ARHGAP25: variants seen among roughly 807,000 people sequenced by gnomAD.
ARHGAP25 encodes the protein Rho GTPase activating protein 25, also known as rho GTPase-activating protein 25.
Under a neutral mutation model 71.0 loss-of-function variants are expected in ARHGAP25, and 34 were observed. The observed-to-expected ratio is 0.48, with a 90% CI of 0.36 to 0.64. ARHGAP25 has a LOEUF of 0.64. ARHGAP25 is among the 30% of genes least tolerant of loss of function. ARHGAP25 has a pLI of 0.00. For synonymous variants in ARHGAP25, 282 were observed against 296.5 expected, an observed-to-expected ratio of 0.95 and a Z score of 0.50; for missense variants, 706 against 805.1, an observed-to-expected ratio of 0.88 and a Z score of 1.49.
upstream of ARHGAP25, among the ~76,000 whole-genome samples, chr2:68,729,928 G>T (rs1326533895): frequency 6.6e-6 from 1 of 152,302 alleles, no homozygotes; most frequent in East Asian, 1.9e-4. Flanking sequence ...GATTTATCCA[G>T]ATATTTAGCT....
intron 2 of ARHGAP25, among the ~76,000 whole-genome samples, chr2:68,721,859 G>A (rs1025768392): frequency 6.6e-6 from 1 of 152,176 alleles, no homozygotes; most frequent in Non-Finnish European, 1.5e-5. Context: ...TCTAGGTGTC[G>A]AGATTATAAC....
intron 10 of ARHGAP25, among the ~76,000 whole-genome samples, chr2:68,825,128 C>T (rs1682019167): frequency 6.6e-6 from 1 of 152,204 alleles, no homozygotes; most frequent in Admixed American, 6.5e-5. Context: ...TTTCACCTGG[C>T]ATGGGATTCA....
chr2:68,785,290 T>A (rs1221778012), intron 3 of ARHGAP25, among the ~76,000 whole-genome samples: 1 of 152,016 alleles, frequency 6.6e-6, no homozygotes, highest in Non-Finnish European at 1.5e-5. Flanking sequence ...AAAACAAAAG[T>A]AAGTAGTGGG....
At position 68,783,929 on chromosome 2, in the gene ARHGAP25, C is replaced by A. The variant is rs552577289; in HGVS notation, c.349+1609C>A. On this transcript the variant is annotated intron_variant, in intron 3 of 10. Coordinates refer to ENST00000409202, the MANE Select transcript of ARHGAP25 (RefSeq NM_001007231.3). ...TCCCAGTGCAATTCATGGGACACAA[C>A]CATCCATGGTAACATGTGTGTCCCA... is the stretch of plus-strand genomic sequence containing the variant. 1.4e-3 allele frequency among the ~76,000 whole-genome samples: 209 copies of A among 152,328 alleles called. 1 individual carries two copies. The highest frequency in any genetic ancestry group is 4.8e-3 in the African/African-American group (199 of 41,558).
intron 1 of ARHGAP25, among the ~76,000 whole-genome samples, chr2:68,738,606 TA>T (rs1434552895): frequency 6.6e-6 from 1 of 151,984 alleles, no homozygotes; most frequent in Non-Finnish European, 1.5e-5. Context: ...CCCTGATAGA[TA>T]AAGGTCCCCG....
At chr2:68,806,379 T>C (rs111812017) in intron 4 of ARHGAP25, among the ~76,000 whole-genome samples, 116 of 152,336 alleles carry the variant, frequency 7.6e-4, no homozygotes, top group African/African-American at 2.5e-3. Context: ...CACAGTGGTT[T>C]AGTGAGATGA....
chr2:68,779,038 A>G (rs1187929663), intron 2 of ARHGAP25, among the ~76,000 whole-genome samples: 1 of 152,172 alleles, frequency 6.6e-6, no homozygotes, highest in East Asian at 1.9e-4. Flanking sequence ...ATCGCCCTCA[A>G]GTTTCTGTTA....
At chr2:68,804,764 A>G (rs1680243370) in intron 4 of ARHGAP25, among the ~76,000 whole-genome samples, 1 of 152,266 alleles carries the variant, frequency 6.6e-6, no homozygotes, top group African/African-American at 2.4e-5. Context: ...TGTTTAAACT[A>G]AAGAAATGCC....
chr2:68,806,203 G>T (rs1355185537), intron 4 of ARHGAP25, among the ~76,000 whole-genome samples: 1 of 152,210 alleles, frequency 6.6e-6, no homozygotes, highest in Non-Finnish European at 1.5e-5. Flanking sequence ...TAAGGAAATA[G>T]TTCAAAAGAA....
intron 1 of ARHGAP25, among the ~76,000 whole-genome samples, chr2:68,771,293 T>G (rs1331083373): frequency 6.6e-6 from 1 of 152,164 alleles, no homozygotes; most frequent in Non-Finnish European, 1.5e-5. Context: ...CTGGTCTGCC[T>G]GCAGCCCCCT....
At chr2:68,785,403 T>C (rs2104397055) in intron 3 of ARHGAP25, among the ~76,000 whole-genome samples, 1 of 152,250 alleles carries the variant, frequency 6.6e-6, no homozygotes, top group South Asian at 2.1e-4. Flanking sequence ...TCTGATCACA[T>C]TTTGAAGGTA....
chr2:68,736,992 G>A (rs1312120628), intron 1 of ARHGAP25, among the ~76,000 whole-genome samples: 1 of 151,942 alleles, frequency 6.6e-6, no homozygotes, highest in Non-Finnish European at 1.5e-5. Flanking sequence ...ATATTTGTTG[G>A]CTGAATGAAT....
At chr2:68,780,692 C>CCCT (rs1393579282) in intron 2 of ARHGAP25, among the ~76,000 whole-genome samples, 1 of 151,646 alleles carries the variant, frequency 6.6e-6, no homozygotes, top group Non-Finnish European at 1.5e-5. Context: ...CTGTTCCTTC[C>CCCT]CCTCCTCCTC....
Position 68,767,276 on chromosome 2 carries a change from G to A in ARHGAP25, c.62-7945G>A, listed in dbSNP as rs543131404. On this transcript the variant is annotated intron_variant, in intron 1 of 10. Coordinates refer to ENST00000409202, the MANE Select transcript of ARHGAP25 (RefSeq NM_001007231.3). The surrounding 1 kb of genome is among the most constrained non-coding windows in gnomAD (Gnocchi z 4.6). The stretch of plus-strand genomic sequence containing the variant: ...GCTTTTCAATGGGGGGGTGGCGTTT[G>A]CTTTGAAGACAGAAAAGGGATACAG... Among the ~76,000 whole-genome samples, 1 of 152,126 alleles carries A rather than the reference G, an allele frequency of 6.6e-6. No individual in the cohort carries two copies. Among genetic ancestry groups the A allele is most frequent in the Non-Finnish European group, 1.5e-5 (1 of 67,996 alleles).
At chr2:68,741,837 C>T (rs1399096586) in intron 1 of ARHGAP25, among the ~76,000 whole-genome samples, 2 of 152,202 alleles carry the variant, frequency 1.3e-5, no homozygotes, top group Non-Finnish European at 2.9e-5. Context: ...CACTCATATT[C>T]TTTACCTAGA....
rs536852218 is a variant in ARHGAP25, at chr2:68,803,425, T to C, written c.467-3848T>C. Among the ~76,000 whole-genome samples the C allele has an allele frequency of 2.6e-5, 4 of 152,254 alleles. No homozygotes were observed. The East Asian group carries it at 5.8e-4, about 22-fold the overall frequency. ...CTAATGAAACCAGATTGTGATGGGTTGAGAGGCTGAGTAGTGAGTGATAAG... is the reference window on the plus strand; with the variant it reads ...CTAATGAAACCAGATTGTGATGGGTCGAGAGGCTGAGTAGTGAGTGATAAG... On this transcript the variant is annotated intron_variant, in intron 4 of 10. Coordinates refer to ENST00000409202, the MANE Select transcript of ARHGAP25 (RefSeq NM_001007231.3).
intron 2 of ARHGAP25, among the ~76,000 whole-genome samples, chr2:68,712,195 A>G (rs1674501555): frequency 6.6e-6 from 1 of 152,168 alleles, no homozygotes; most frequent in African/African-American, 2.4e-5. Flanking sequence ...TGACTTTTTA[A>G]TAATCACCAT....
chr2:68,778,621 A>G (rs1008663380), intron 2 of ARHGAP25, among the ~76,000 whole-genome samples: 1 of 152,190 alleles, frequency 6.6e-6, no homozygotes, highest in Non-Finnish European at 1.5e-5. Context: ...TACACTGATG[A>G]TGTGTGTGTT....
intron 5 of ARHGAP25, among the ~76,000 whole-genome samples, chr2:68,812,416 T>G (rs1680896345): frequency 6.6e-6 from 1 of 152,186 alleles, no homozygotes; most frequent in Non-Finnish European, 1.5e-5. Flanking sequence ...CAGCCGTGCC[T>G]CTTTCAGTCA....
Sources: allele counts gnomAD v4.1 joint callset (sites outside exome capture counted in the v4.1 genomes callset), GRCh38; gene constraint gnomAD v4.1.1; non-coding constraint Gnocchi (gnomAD v3.1); transcripts MANE v1.5; gene names NCBI Gene and HGNC (gene_info 2026-07-23, HGNC 2026-07-21).